Variants in OR10H5 observed in about 807,000 individuals in gnomAD.
The protein encoded by OR10H5 is olfactory receptor family 10 subfamily H member 5.
Under a neutral mutation model 12.2 loss-of-function variants are expected in OR10H5, and 7 were observed. That is an observed-to-expected ratio of 0.57 (90% CI 0.33 to 1.07). OR10H5 has a LOEUF of 1.07. Ranked by LOEUF, OR10H5 falls within the 50% of genes least tolerant of loss-of-function variation. The probability of loss-of-function intolerance (pLI) is 0.04; values close to 1 mark genes in which losing one functional copy is unlikely to be tolerated. For synonymous variants in OR10H5, 159 were observed against 175.1 expected (o/e 0.91, Z 0.73); for missense variants, 346 against 411.6 (o/e 0.84, Z 1.38).
Position 15,798,880 on chromosome 19 carries a change from C to T in OR10H5, c.*3884C>T, listed in dbSNP as rs1356607585. The stretch of plus-strand genomic sequence containing the variant: ...CAAGCGATTTTTCTGCCTCAGCTTC[C>T]CAAGTAGCTGGGATTGCAGGCACAT... On this transcript the variant is annotated 3_prime_UTR_variant, in exon 2 of 2. Coordinates refer to ENST00000642092, the MANE Select transcript of OR10H5 (RefSeq NM_001004466.2). 1 of 151,394 alleles carries T rather than the reference C, an allele frequency of 6.6e-6. No individual in the cohort carries two copies. The highest frequency in any genetic ancestry group is 1.5e-5 in the Non-Finnish European group (1 of 67,944). 9.4% of individuals were successfully genotyped at this position (151,394 alleles called of 1,614,324 possible).
At chr19:15,788,079 G>A (rs1242266118) in intron 1 of OR10H5, among the ~76,000 whole-genome samples, 2 of 152,130 alleles carry the variant, frequency 1.3e-5, no homozygotes, top group African/African-American at 4.8e-5. Flanking sequence ...GACATTGAGT[G>A]TGTCACCATG....
chr19:15,797,573 T>G lies in OR10H5; in HGVS notation c.*2577T>G, dbSNP rs901096151. On this transcript the variant is annotated 3_prime_UTR_variant, in exon 2 of 2. Coordinates refer to ENST00000642092, the MANE Select transcript of OR10H5 (RefSeq NM_001004466.2). The stretch of plus-strand genomic sequence containing the variant: ...TCACTTTATTTAGTAGTAGTCATTG[T>G]GTAAATTTGAAACAACCGGAGAAGT... 3 of 152,196 alleles carry G rather than the reference T, an allele frequency of 2.0e-5. No homozygotes were observed. The highest frequency in any genetic ancestry group is 7.2e-5 in the African/African-American group (3 of 41,446). The allele number at this position is 152,196 out of a possible 1,614,324, so 9.4% of individuals were successfully genotyped here. A position where few individuals can be genotyped will look rare whatever the true frequency, so the allele number is the denominator to read the frequency against.
intron 1 of OR10H5, among the ~76,000 whole-genome samples, chr19:15,791,980 T>C (rs2088811587): frequency 6.6e-6 from 1 of 151,648 alleles, no homozygotes; most frequent in Non-Finnish European, 1.5e-5. Context: ...GGTGCATGAA[T>C]TATTATTAAA....
intron 1 of OR10H5, among the ~76,000 whole-genome samples, chr19:15,791,204 G>A (rs900829034): frequency 6.6e-6 from 1 of 152,056 alleles, no homozygotes; most frequent in African/African-American, 2.4e-5. Context: ...AAATTAGCCA[G>A]GTGTGGTGGC....
At position 15,796,547 on chromosome 19, in the gene OR10H5, G is replaced by A. The variant is rs2088840902; in HGVS notation, c.*1551G>A. 6.6e-6 allele frequency: 1 copy of A among 152,126 alleles called. No homozygotes were observed. Among genetic ancestry groups the A allele is most frequent in the East Asian group, 1.9e-4 (1 of 5,192 alleles). 9.4% of individuals were successfully genotyped at this position (152,126 alleles called of 1,614,324 possible). On this transcript the variant is annotated 3_prime_UTR_variant, in exon 2 of 2. Transcript: ENST00000642092. ...TGACAGGAGGATCACTGGAGTCCAG[G>A]AGTTCAAGACCAGCCTGGGCAACAA...
Position 15,799,298 on chromosome 19 carries a change from T to C in OR10H5, c.*4302T>C, listed in dbSNP as rs1172689819. 1 of 151,904 alleles carries C rather than the reference T, an allele frequency of 6.6e-6. No individual in the cohort carries two copies. The highest frequency in any genetic ancestry group is 1.5e-5 in the Non-Finnish European group (1 of 67,974). The allele number at this position is 151,904 out of a possible 1,614,324, so 9.4% of individuals were successfully genotyped here. A position where few individuals can be genotyped will look rare whatever the true frequency, so the allele number is the denominator to read the frequency against. ...CTACTCTTTTTTTTTTCTTCAGAGATTGGGGCATGAAATCTTCCATTCCTC... is the reference window on the plus strand; with the variant it reads ...CTACTCTTTTTTTTTTCTTCAGAGACTGGGGCATGAAATCTTCCATTCCTC... On this transcript the variant is annotated 3_prime_UTR_variant, in exon 2 of 2. Transcript: ENST00000642092.
At chr19:15,792,571 T>C (rs924526790) in intron 1 of OR10H5, among the ~76,000 whole-genome samples, 3 of 152,144 alleles carry the variant, frequency 2.0e-5, no homozygotes, top group Admixed American at 2.0e-4. Flanking sequence ...GCTCAAGCAA[T>C]TCTCCCACCT....
chr19:15,792,332 G>A (rs2088813281), intron 1 of OR10H5, among the ~76,000 whole-genome samples: 1 of 152,054 alleles, frequency 6.6e-6, no homozygotes, highest in Non-Finnish European at 1.5e-5. Flanking sequence ...AGTTTTAAGG[G>A]TCCTCATCTT....
chr19:15,795,100 T>G lies in OR10H5; in HGVS notation c.*104T>G, dbSNP rs2088833251. ...CTCCCTCCTTTCCTCCCTCCCTCCC[T>G]TCCTTCCTTCTTTCCTTCCTCCCTC... On this transcript the variant is annotated 3_prime_UTR_variant, in exon 2 of 2. Coordinates refer to ENST00000642092, the MANE Select transcript of OR10H5 (RefSeq NM_001004466.2). 3.2e-6 allele frequency: 3 copies of G among 929,770 alleles called. No homozygotes were observed. The highest frequency in any genetic ancestry group is 3.1e-6 in the Non-Finnish European group (2 of 645,684). 57.6% of individuals were successfully genotyped at this position (929,770 alleles called of 1,614,324 possible).
chr19:15,791,208 T>C (rs1341270393), intron 1 of OR10H5, among the ~76,000 whole-genome samples: 1 of 151,952 alleles, frequency 6.6e-6, no homozygotes, highest in Admixed American at 6.6e-5. Flanking sequence ...TAGCCAGGTG[T>C]GGTGGCGGGC....
At chr19:15,793,701 T>G (rs1242464873) in intron 1 of OR10H5, among the ~76,000 whole-genome samples, 1 of 152,038 alleles carries the variant, frequency 6.6e-6, no homozygotes, top group East Asian at 1.9e-4. Flanking sequence ...GCCAACATGC[T>G]GAAACCCATC....
Position 15,795,065 on chromosome 19 carries a change from C to A in OR10H5, c.*69C>A. Reference sequence around the variant, plus strand: ...TTAGTCTTCCTCCTTTATTTCTTTTCCTTTCCTCCCTCCCTCCTTTCCTCC... The same window carrying A: ...TTAGTCTTCCTCCTTTATTTCTTTTACTTTCCTCCCTCCCTCCTTTCCTCC... On this transcript the variant is annotated 3_prime_UTR_variant, in exon 2 of 2. Transcript: ENST00000642092. 1.5e-6 allele frequency: 2 copies of A among 1,337,522 alleles called. No homozygotes were observed. Among genetic ancestry groups the A allele is most frequent in the Non-Finnish European group, 1.0e-6 (1 of 972,712 alleles). 82.9% of individuals were successfully genotyped at this position (1,337,522 alleles called of 1,614,324 possible). A position where few individuals can be genotyped will look rare whatever the true frequency, so the allele number is the denominator to read the frequency against.
rs2088858712 is a variant in OR10H5 at position 15,799,721 on chromosome 19, G to C, written c.*4725G>C. 1 of 148,934 alleles carries C rather than the reference G, an allele frequency of 6.7e-6. No individual in the cohort carries two copies. Among genetic ancestry groups the C allele is most frequent in the Non-Finnish European group, 1.5e-5 (1 of 67,562 alleles). 9.2% of individuals were successfully genotyped at this position (148,934 alleles called of 1,614,324 possible). ...TTTTTTTTTTTTTGAGAGAGAGAGA[G>C]AGAGAGAAATAAGATCTCACTCTGT... On this transcript the variant is annotated 3_prime_UTR_variant, in exon 2 of 2. Transcript: ENST00000642092.
chr19:15,795,200 T>TCCTC lies in OR10H5; in HGVS notation c.*219_*222dup, dbSNP rs898056016. On this transcript the variant is annotated 3_prime_UTR_variant, in exon 2 of 2. Coordinates refer to ENST00000642092, the MANE Select transcript of OR10H5 (RefSeq NM_001004466.2). ...CTCCTCCTTGCCTTCCTTCCATCCT[T>TCCTC]CCTCCCTCCCTCCCTCCCCCTTCCT... is the stretch of plus-strand genomic sequence containing the variant. 2.1e-5 allele frequency: 11 copies of TCCTC among 513,970 alleles called. No homozygotes were observed. The highest frequency in any genetic ancestry group is 1.4e-4 in the East Asian group (4 of 28,806). The allele number at this position is 513,970 out of a possible 1,614,324, so 31.8% of individuals were successfully genotyped here.
In OR10H5 at chr19:15,797,521, A is replaced by G. The variant is rs942398017; in HGVS notation, c.*2525A>G. On this transcript the variant is annotated 3_prime_UTR_variant, in exon 2 of 2. Coordinates refer to ENST00000642092, the MANE Select transcript of OR10H5 (RefSeq NM_001004466.2). ...TTGACCAATGTCCATGCATTCTGAA[A>G]TTAAAATAAGCTTTGTGATTACTCC... The G allele has an allele frequency of 1.3e-5, 2 of 152,232 alleles. No homozygotes were observed. The highest frequency in any genetic ancestry group is 2.9e-5 in the Non-Finnish European group (2 of 68,038). The allele number at this position is 152,232 out of a possible 1,614,324, so 9.4% of individuals were successfully genotyped here. A position where few individuals can be genotyped will look rare whatever the true frequency, so the allele number is the denominator to read the frequency against.
Position 15,794,863 on chromosome 19 carries a change from A to G in OR10H5, c.815A>G (p.Asp272Gly). Reference protein sequence around the residue: ...KPKGPQSPEGDTLMGITYTVL... With the variant: ...KPKGPQSPEGGTLMGITYTVL... ...AAAGGTCCCCAGTCTCCGGAAGGAG[A>G]CACCTTGATGGGCATCACCTACACG... The change falls in exon 2 of 2, where the codon GAC (aspartate) becomes GGC (glycine). Residue 272 changes from aspartate (D) to glycine (G), a missense_variant. Physicochemically the swap from Asp to Gly is moderately conservative, Grantham distance 94 (BLOSUM62 -1). Coordinates refer to ENST00000642092, the MANE Select transcript of OR10H5 (RefSeq NM_001004466.2). 2 of 1,613,912 alleles carry G rather than the reference A, an allele frequency of 1.2e-6. No individual in the cohort carries two copies. The highest frequency in any genetic ancestry group is 1.7e-6 in the Non-Finnish European group (2 of 1,179,972).
chr19:15,794,021 C>T lies in OR10H5; in HGVS notation c.-11-17C>T. The T allele has an allele frequency of 6.3e-7, 1 of 1,588,234 alleles. No homozygotes were observed. ...GCTCCTAACCACTGGGTCTTCTTTCCTCTCTCCACCAACTAGGGGTGGCCG... is the reference window on the plus strand; with the variant it reads ...GCTCCTAACCACTGGGTCTTCTTTCTTCTCTCCACCAACTAGGGGTGGCCG... On this transcript the variant is annotated splice_polypyrimidine_tract_variant and intron_variant, in intron 1 of 1. Coordinates refer to ENST00000642092, the MANE Select transcript of OR10H5 (RefSeq NM_001004466.2).
At chr19:15,789,708 G>A (rs2088800198) in intron 1 of OR10H5, among the ~76,000 whole-genome samples, 1 of 152,106 alleles carries the variant, frequency 6.6e-6, no homozygotes, top group South Asian at 2.1e-4. Context: ...GCTGTTCTGG[G>A]AAAGAGTGGG....
chr19:15,793,501 T>C lies in OR10H5; in HGVS notation c.-11-537T>C, dbSNP rs546266290. On this transcript the variant is annotated intron_variant, in intron 1 of 1. Transcript: ENST00000642092. ...GTGGTCTCAAACTCCTGGCCTCAGG[T>C]GACCCCCCTCTGCCTCCGCCTCCCA... is the stretch of plus-strand genomic sequence containing the variant. 6.7e-4 allele frequency among the ~76,000 whole-genome samples: 102 copies of C among 152,022 alleles called. 1 individual carries two copies. The highest frequency in any genetic ancestry group is 3.4e-3 in the Middle Eastern group (1 of 294).
Sources: allele counts gnomAD v4.1 joint callset (sites outside exome capture counted in the v4.1 genomes callset), GRCh38; gene constraint gnomAD v4.1.1; transcripts MANE v1.5; gene names NCBI Gene and HGNC (gene_info 2026-07-23, HGNC 2026-07-21).